Variants in PCSK2 observed in about 807,000 individuals in gnomAD.
PCSK2 encodes the protein neuroendocrine convertase 2.
A neutral mutation model predicts 69.7 loss-of-function variants in PCSK2; 14 were observed. The observed-to-expected ratio is 0.20, with a 90% CI of 0.13 to 0.31. The LOEUF is 0.31. PCSK2 is among the 10% of genes least tolerant of loss of function. The pLI is 1.00. For synonymous variants in PCSK2, 307 were observed against 320.7 expected (o/e 0.96, Z 0.46); for missense variants, 544 against 842.5 (o/e 0.65, Z 4.39).
chr20:17,349,099 T>C (rs911377033), intron 2 of PCSK2, among the ~76,000 whole-genome samples: 9 of 152,202 alleles, frequency 5.9e-5, no homozygotes, highest in African/African-American at 2.2e-4. Context: ...CAGCCCTCAG[T>C]AAGTGTCAGC....
intron 1 of PCSK2, among the ~76,000 whole-genome samples, chr20:17,233,674 A>G (rs1477480866): frequency 1.3e-5 from 2 of 152,184 alleles, no homozygotes; most frequent in African/African-American, 4.8e-5. Flanking sequence ...CATTTTATCT[A>G]AGTTTCTAAT....
At chr20:17,379,978 A>T (rs930097482) in intron 5 of PCSK2, among the ~76,000 whole-genome samples, 2 of 152,186 alleles carry the variant, frequency 1.3e-5, no homozygotes, top group African/African-American at 4.8e-5. Flanking sequence ...ATGGCAAGGA[A>T]TGGCGGACTC....
At chr20:17,403,808 T>C (rs545703729) in intron 5 of PCSK2, among the ~76,000 whole-genome samples, 1 of 152,340 alleles carries the variant, frequency 6.6e-6, no homozygotes, top group Admixed American at 6.5e-5. Flanking sequence ...GTTATTCAAG[T>C]CTCACAAGAA....
intron 5 of PCSK2, among the ~76,000 whole-genome samples, chr20:17,375,820 G>A (rs749443527): frequency 3.9e-5 from 6 of 152,166 alleles, no homozygotes; most frequent in Admixed American, 1.3e-4. Flanking sequence ...CTTGAGTGCA[G>A]CAAATACAGA....
chr20:17,298,635 T>G (rs1038571401), intron 2 of PCSK2, among the ~76,000 whole-genome samples: 2 of 152,156 alleles, frequency 1.3e-5, no homozygotes, highest in Non-Finnish European at 1.5e-5. Context: ...TACTTTCATA[T>G]CCTCACTCTT....
chr20:17,228,786 C>T (rs1986031285), intron 1 of PCSK2, among the ~76,000 whole-genome samples: 1 of 152,202 alleles, frequency 6.6e-6, no homozygotes, highest in African/African-American at 2.4e-5. Context: ...TAGGCAGTAC[C>T]GGAATTTCGA....
At chr20:17,258,498 C>G (rs568704807) in intron 1 of PCSK2, among the ~76,000 whole-genome samples, 1 of 152,142 alleles carries the variant, frequency 6.6e-6, no homozygotes, top group East Asian at 1.9e-4. Flanking sequence ...ATGGAAGCAT[C>G]TTAATATGCA....
At chr20:17,465,026 T>A in intron 10 of PCSK2, 1 of 403,936 alleles carries the variant, frequency 2.5e-6, no homozygotes. Flanking sequence ...TTGCTCCACA[T>A]CTTCAACACT....
intron 11 of PCSK2, among the ~76,000 whole-genome samples, chr20:17,468,716 T>C (rs6044839): frequency 0.6 from 88,047 of 146,568 alleles, 25,709 homozygotes; most frequent in South Asian, 0.67. Flanking sequence ...GCACCCTCCA[T>C]GGGCCAGTGT....
chr20:17,234,076 T>C (rs1986243324), intron 1 of PCSK2, among the ~76,000 whole-genome samples: 1 of 152,224 alleles, frequency 6.6e-6, no homozygotes, highest in African/African-American at 2.4e-5. Context: ...CACTGAGATT[T>C]GGGAGTACTG....
At chr20:17,391,761 C>T (rs977784118) in intron 5 of PCSK2, among the ~76,000 whole-genome samples, 1 of 152,068 alleles carries the variant, frequency 6.6e-6, no homozygotes, top group Non-Finnish European at 1.5e-5. Context: ...GTCCCAGCTA[C>T]TCAGGAGACT....
intron 2 of PCSK2, among the ~76,000 whole-genome samples, chr20:17,278,497 A>T (rs1409447557): frequency 6.6e-6 from 1 of 152,026 alleles, no homozygotes; most frequent in Non-Finnish European, 1.5e-5. Context: ...GCATGTTCTC[A>T]CTCACAGGTG....
intron 1 of PCSK2, among the ~76,000 whole-genome samples, chr20:17,243,438 G>A (rs1273578233): frequency 6.6e-6 from 1 of 150,990 alleles, no homozygotes; most frequent in Non-Finnish European, 1.5e-5. Flanking sequence ...GGGCTCAAAT[G>A]ATCCTCCTGT....
intron 1 of PCSK2, among the ~76,000 whole-genome samples, chr20:17,251,035 G>T (rs765727671): frequency 2.6e-4 from 39 of 152,194 alleles, no homozygotes; most frequent in Non-Finnish European, 4.6e-4. Flanking sequence ...AAGAGGCGAA[G>T]GTTGCAGTGA....
In PCSK2 at chr20:17,227,494, C is replaced by T. The variant is rs773893578; in HGVS notation, c.177+12C>T. The stretch of plus-strand genomic sequence containing the variant: ...TTGGAGTCCGAAAGGTAAGCTCTCC[C>T]ATGCATTTCGCATGTTGTTTCAAAA... On this transcript the variant is annotated intron_variant, in intron 1 of 11. Coordinates refer to ENST00000262545, the MANE Select transcript of PCSK2 (RefSeq NM_002594.5). 5 of 1,608,296 alleles carry T rather than the reference C, an allele frequency of 3.1e-6. No homozygotes were observed. The highest frequency in any genetic ancestry group is 3.4e-6 in the Non-Finnish European group (4 of 1,175,310).
intron 2 of PCSK2, among the ~76,000 whole-genome samples, chr20:17,320,049 T>C (rs1040009253): frequency 2.0e-5 from 3 of 152,056 alleles, no homozygotes; most frequent in Admixed American, 2.0e-4. Context: ...AAGACAGAGC[T>C]CAGGTGGGCA....
intron 2 of PCSK2, among the ~76,000 whole-genome samples, chr20:17,350,170 T>C (rs2029934253): frequency 6.8e-6 from 1 of 147,468 alleles, no homozygotes; most frequent in Non-Finnish European, 1.5e-5. Flanking sequence ...ATTACACCTG[T>C]AGTGACCCTA....
intron 2 of PCSK2, among the ~76,000 whole-genome samples, chr20:17,264,313 G>A (rs1305993163): frequency 6.6e-6 from 1 of 152,056 alleles, no homozygotes; most frequent in Non-Finnish European, 1.5e-5. Context: ...CCTTTACTAA[G>A]CAATTTTACT....
chr20:17,423,644 C>CA (rs11361591), intron 6 of PCSK2, among the ~76,000 whole-genome samples: 11 of 149,610 alleles, frequency 7.4e-5, no homozygotes, highest in East Asian at 3.9e-4. Context: ...CACTTTTGTA[C>CA]AAAAAAAAAA....
Sources: gnomAD v4.1 joint callset for allele counts (sites outside exome capture counted in the v4.1 genomes callset) on GRCh38, gnomAD v4.1.1 for gene constraint, MANE v1.5 for transcripts, NCBI Gene and HGNC (gene_info 2026-07-23, HGNC 2026-07-21) for gene names.